Variants in SHLD1 observed in about 807,000 individuals in gnomAD.
The protein encoded by SHLD1 is RINN1-REV7-interacting novel NHEJ regulator 3.
A neutral mutation model predicts 5.5 loss-of-function variants in SHLD1; 3 were observed. The observed-to-expected ratio is 0.54, with a 90% CI of 0.25 to 1.40. The LOEUF (loss-of-function observed/expected upper bound fraction) is 1.40, where lower values mean the gene tolerates loss of function less well. SHLD1 is among the 40% of genes most tolerant of loss of function. SHLD1 has a pLI of 0.15. For missense variants in SHLD1, 210 were observed against 244.4 expected (o/e 0.86, Z 0.94); for synonymous variants, 92 against 94.3 (o/e 0.98, Z 0.14).
chr20:5,758,358 A>C (rs1342614950), intron 1 of SHLD1, among the ~76,000 whole-genome samples: 7 of 47,236 alleles, frequency 1.5e-4, no homozygotes, highest in African/African-American at 1.8e-4. Context: ...GAGGGGAAGG[A>C]GAGGGGGAGG....
intron 2 of SHLD1, among the ~76,000 whole-genome samples, chr20:5,812,080 C>CTTTTT (rs1200570680): frequency 2.9e-5 from 4 of 136,812 alleles, no homozygotes; most frequent in African/African-American, 8.0e-5. Context: ...TTTTTTTTTT[C>CTTTTT]TTTTTTTTTC....
chr20:5,784,064 T>C (rs1254539396), intron 2 of SHLD1, among the ~76,000 whole-genome samples: 1 of 151,734 alleles, frequency 6.6e-6, no homozygotes, highest in Non-Finnish European at 1.5e-5. Flanking sequence ...GGCAGGAGAA[T>C]TGCTTGAACC....
rs555255357 is a variant in SHLD1, at chr20:5,840,505, G to A, written c.179-22519G>A. Reference sequence around the variant, plus strand: ...GCTGGTATGGATAGTGGCAGAGGCAGCATCGTTCTGGAACTAGTCGCTGTA... The same window carrying A: ...GCTGGTATGGATAGTGGCAGAGGCAACATCGTTCTGGAACTAGTCGCTGTA... On this transcript the variant is annotated intron_variant, in intron 2 of 2. Coordinates refer to ENST00000303142, the MANE Select transcript of SHLD1 (RefSeq NM_152504.4). Among the ~76,000 whole-genome samples the A allele has an allele frequency of 1.8e-4, 27 of 152,328 alleles. No individual in the cohort carries two copies. The South Asian group carries it at 5.4e-3, about 30-fold the overall frequency.
chr20:5,789,657 AC>A (rs1389708034), intron 2 of SHLD1, among the ~76,000 whole-genome samples: 1 of 152,120 alleles, frequency 6.6e-6, no homozygotes, highest in East Asian at 1.9e-4. Flanking sequence ...ATGGCATGAA[AC>A]TATTTCTCCT....
chr20:5,858,709 C>A (rs1480354093), intron 2 of SHLD1, among the ~76,000 whole-genome samples: 1 of 152,130 alleles, frequency 6.6e-6, no homozygotes, highest in Non-Finnish European at 1.5e-5. Context: ...GTGGCACACA[C>A]CTGTGGTCCC....
chr20:5,799,419 G>T (rs1390468742), intron 2 of SHLD1, among the ~76,000 whole-genome samples: 5 of 150,636 alleles, frequency 3.3e-5, no homozygotes, highest in Non-Finnish European at 7.4e-5. Flanking sequence ...TCCTATCTTG[G>T]CCCCCCAAGT....
intron 2 of SHLD1, among the ~76,000 whole-genome samples, chr20:5,839,302 T>TG (rs960297715): frequency 7.9e-5 from 12 of 152,224 alleles, no homozygotes; most frequent in Non-Finnish European, 1.8e-4. Flanking sequence ...TTCTCCTTTG[T>TG]GGGGAATATT....
intron 2 of SHLD1, among the ~76,000 whole-genome samples, chr20:5,807,894 T>C (rs2087402330): frequency 6.6e-6 from 1 of 152,142 alleles, no homozygotes; most frequent in African/African-American, 2.4e-5. Flanking sequence ...TTGTGACACT[T>C]GTGATAAGGT....
intron 2 of SHLD1, among the ~76,000 whole-genome samples, chr20:5,844,994 C>T (rs1237236605): frequency 1.3e-5 from 2 of 151,552 alleles, no homozygotes; most frequent in African/African-American, 2.4e-5. Context: ...GATGGGGTTT[C>T]ACCACGTTGG....
chr20:5,831,906 A>G (rs1212000498), intron 2 of SHLD1, among the ~76,000 whole-genome samples: 1 of 152,026 alleles, frequency 6.6e-6, no homozygotes, highest in African/African-American at 2.4e-5. Flanking sequence ...TTCCTATAAT[A>G]CATGTGCTTT....
intron 1 of SHLD1, among the ~76,000 whole-genome samples, chr20:5,764,751 A>G (rs1984730704): frequency 6.6e-6 from 1 of 152,130 alleles, no homozygotes; most frequent in African/African-American, 2.4e-5. Flanking sequence ...GTGGGTAGAA[A>G]GTTGGATAGA....
rs1568537044 is a variant in SHLD1, at chr20:5,863,353, T to C, written c.508T>C (p.Tyr170His). Reference protein sequence around the residue: ...LQRHSRDTHFYPLEEGSTSLD... With the variant: ...LQRHSRDTHFHPLEEGSTSLD... ...GAGGCATTCCAGGGACACCCACTTCTACCCACTGGAGGAAGGAAGTACATC... is the reference window on the plus strand; with the variant it reads ...GAGGCATTCCAGGGACACCCACTTCCACCCACTGGAGGAAGGAAGTACATC... The change falls in exon 3 of 3, where the codon TAC becomes CAC. Residue 170 changes from tyrosine (Y) to histidine (H), a missense_variant. Tyr to His is a moderately conservative substitution (Grantham distance 83, BLOSUM62 2). Transcript: ENST00000303142. 2.5e-6 allele frequency: 4 copies of C among 1,614,188 alleles called. No homozygotes were observed. In the East Asian group the frequency reaches 6.7e-5, roughly 27 times the overall value.
At chr20:5,784,543 C>T (rs909582808) in intron 2 of SHLD1, among the ~76,000 whole-genome samples, 9 of 152,112 alleles carry the variant, frequency 5.9e-5, no homozygotes, top group East Asian at 1.9e-4. Context: ...CTCCGCCTCC[C>T]GGGTTCACGC....
chr20:5,798,784 A>AT (rs998661724), intron 2 of SHLD1, among the ~76,000 whole-genome samples: 1 of 149,922 alleles, frequency 6.7e-6, no homozygotes, highest in Non-Finnish European at 1.5e-5. Context: ...TGCCCGGCTA[A>AT]TTTTTTTGTA....
At chr20:5,856,692 C>T (rs2088090277) in intron 2 of SHLD1, among the ~76,000 whole-genome samples, 1 of 152,188 alleles carries the variant, frequency 6.6e-6, no homozygotes, top group Non-Finnish European at 1.5e-5. Context: ...ACCGGAACAT[C>T]CCCCACTACT....
intron 2 of SHLD1, among the ~76,000 whole-genome samples, chr20:5,795,164 AG>A: frequency 6.7e-6 from 1 of 149,348 alleles, no homozygotes. Context: ...ACTTGAACCC[AG>A]GAAGCAGAGG....
At chr20:5,750,738 C>T (rs1047072297) in intron 1 of SHLD1, among the ~76,000 whole-genome samples, 3 of 151,730 alleles carry the variant, frequency 2.0e-5, no homozygotes, top group Non-Finnish European at 2.9e-5. Flanking sequence ...CAGTGACCTG[C>T]CACTTCAGGA....
chr20:5,758,162 T>C (rs1984232196), intron 1 of SHLD1, among the ~76,000 whole-genome samples: 1 of 149,630 alleles, frequency 6.7e-6, no homozygotes, highest in Admixed American at 6.7e-5. Context: ...ACAAGTGCAG[T>C]GGGAGGAAGC....
intron 2 of SHLD1, among the ~76,000 whole-genome samples, chr20:5,786,679 A>G (rs564215508): frequency 6.6e-5 from 10 of 152,354 alleles, no homozygotes; most frequent in African/African-American, 2.4e-4. Flanking sequence ...CATGCCCTGA[A>G]GGAAGGAGCG....
Sources: gnomAD v4.1 joint callset for allele counts (sites outside exome capture counted in the v4.1 genomes callset) on GRCh38, gnomAD v4.1.1 for gene constraint, MANE v1.5 for transcripts, NCBI Gene and HGNC (gene_info 2026-07-23, HGNC 2026-07-21) for gene names.